Variants in FOXP1 observed in about 807,000 individuals in gnomAD.
FOXP1 encodes the protein forkhead box P1.
FOXP1 carries 15 observed loss-of-function variants against 98.2 expected under a neutral mutation model. The ratio of observed to expected loss-of-function variants is 0.15; its 90% CI spans 0.10 to 0.24. The LOEUF is 0.24. Ranked by LOEUF, FOXP1 falls within the 10% of genes least tolerant of loss-of-function variation. FOXP1 has a pLI of 1.00. For synonymous variants in FOXP1, 371 were observed against 314.5 expected, an observed-to-expected ratio of 1.18 and a Z score of -1.90; for missense variants, 633 against 848.5, an observed-to-expected ratio of 0.75 and a Z score of 3.15.
intron 20 of FOXP1, among the ~76,000 whole-genome samples, chr3:70,965,044 G>A (rs2034446768): frequency 1.3e-5 from 2 of 152,332 alleles, no homozygotes; most frequent in South Asian, 4.1e-4. Flanking sequence ...CACGAAATGG[G>A]TTAGTACCTT....
intron 5 of FOXP1, chr3:71,296,036 T>C (rs181953571): frequency 6.6e-6 from 1 of 152,140 alleles, no homozygotes; most frequent in African/African-American, 2.4e-5. Flanking sequence ...TGGAAGAAAA[T>C]TGTTATATCA....
At chr3:71,350,254 T>C (rs1239108594) in intron 4 of FOXP1, among the ~76,000 whole-genome samples, 2 of 152,150 alleles carry the variant, frequency 1.3e-5, no homozygotes, top group East Asian at 1.9e-4. Context: ...AATGTTAATA[T>C]AGGGTTTAAT....
chr3:71,483,928 A>AT (rs1042085487), intron 3 of FOXP1, among the ~76,000 whole-genome samples: 1 of 152,122 alleles, frequency 6.6e-6, no homozygotes, highest in South Asian at 2.1e-4. Context: ...TTAAAAGCTC[A>AT]TTTTTTTGTA....
chr3:71,064,142 G>C (rs2051994761), intron 7 of FOXP1, among the ~76,000 whole-genome samples: 2 of 152,194 alleles, frequency 1.3e-5, no homozygotes, highest in African/African-American at 2.4e-5. Flanking sequence ...CAACCTGCCA[G>C]AGTGTTCCAT....
At chr3:71,537,574 G>A (rs775683207) in intron 2 of FOXP1, among the ~76,000 whole-genome samples, 8 of 152,186 alleles carry the variant, frequency 5.3e-5, no homozygotes, top group Non-Finnish European at 8.8e-5. Context: ...ACAGAAAGAC[G>A]GTGTTTTTTT....
At chr3:71,244,702 T>C (rs2067578110) in intron 5 of FOXP1, among the ~76,000 whole-genome samples, 1 of 151,878 alleles carries the variant, frequency 6.6e-6, no homozygotes, top group South Asian at 2.1e-4. Context: ...ATTTTTTTTT[T>C]CTGAATCCAT....
intron 4 of FOXP1, among the ~76,000 whole-genome samples, chr3:71,326,909 G>A (rs2075726317): frequency 6.6e-6 from 1 of 152,118 alleles, no homozygotes; most frequent in East Asian, 1.9e-4. Flanking sequence ...ATAGTTGGAG[G>A]AAGTCATTAG....
chr3:71,198,670 T>C (rs78057153), intron 5 of FOXP1, among the ~76,000 whole-genome samples: 1,556 of 152,230 alleles, frequency 0.01, 30 homozygotes, highest in African/African-American at 0.035. Flanking sequence ...TAAGTAAACC[T>C]AGAATTCAAG....
At chr3:71,174,815 CA>C (rs2061839112) in intron 6 of FOXP1, among the ~76,000 whole-genome samples, 1 of 151,482 alleles carries the variant, frequency 6.6e-6, no homozygotes, top group Non-Finnish European at 1.5e-5. Context: ...CACACACACA[CA>C]CACACACACA....
chr3:71,119,084 G>A (rs2058576269), intron 6 of FOXP1, among the ~76,000 whole-genome samples: 1 of 152,154 alleles, frequency 6.6e-6, no homozygotes, highest in Admixed American at 6.5e-5. Context: ...TTAGAGTTTG[G>A]CCAAGGAGCA....
intron 2 of FOXP1, among the ~76,000 whole-genome samples, chr3:71,557,918 G>A (rs1054017551): frequency 1.3e-5 from 2 of 152,204 alleles, no homozygotes; most frequent in Non-Finnish European, 2.9e-5. Flanking sequence ...CCAGGTTCAC[G>A]TGATTCTCCT....
chr3:71,502,850 C>T (rs1015314640), intron 2 of FOXP1, among the ~76,000 whole-genome samples: 1 of 151,952 alleles, frequency 6.6e-6, no homozygotes, highest in Non-Finnish European at 1.5e-5. Flanking sequence ...AACCGGCATA[C>T]ATAACAGCTA....
intron 2 of FOXP1, among the ~76,000 whole-genome samples, chr3:71,563,708 C>G (rs1046771808): frequency 1.3e-5 from 2 of 152,208 alleles, no homozygotes; most frequent in African/African-American, 4.8e-5. Context: ...ACTCTATAAA[C>G]AGGGTGTGAA....
At chr3:71,379,464 T>C (rs1036746528) in intron 3 of FOXP1, among the ~76,000 whole-genome samples, 2 of 152,134 alleles carry the variant, frequency 1.3e-5, no homozygotes, top group African/African-American at 4.8e-5. Context: ...TCAGTTATCT[T>C]AGGTAGAAGT....
chr3:71,235,732 A>G, intron 5 of FOXP1, among the ~76,000 whole-genome samples: 1 of 152,050 alleles, frequency 6.6e-6, no homozygotes, highest in East Asian at 1.9e-4. Context: ...ATGCCCGGCT[A>G]ATTTTTTGCA....
intron 5 of FOXP1, among the ~76,000 whole-genome samples, chr3:71,274,865 T>C (rs2070737461): frequency 6.6e-6 from 1 of 152,232 alleles, no homozygotes; most frequent in Admixed American, 6.5e-5. Context: ...ATTCAGTATC[T>C]GATCAATTGT....
intron 7 of FOXP1, among the ~76,000 whole-genome samples, chr3:71,056,187 T>C (rs550704887): frequency 1.3e-5 from 2 of 152,302 alleles, no homozygotes; most frequent in South Asian, 4.1e-4. Context: ...TCAATAAAAC[T>C]GATTTTAAAA....
chr3:71,278,522 C>T (rs2071163473), intron 5 of FOXP1, among the ~76,000 whole-genome samples: 1 of 152,208 alleles, frequency 6.6e-6, no homozygotes, highest in Admixed American at 6.5e-5. Context: ...GTGGCTCACA[C>T]CTGTAATCCC....
intron 2 of FOXP1, among the ~76,000 whole-genome samples, chr3:71,523,356 G>A (rs1184836315): frequency 6.6e-6 from 1 of 152,150 alleles, no homozygotes; most frequent in Non-Finnish European, 1.5e-5. Context: ...AATAATTTAC[G>A]TAGTAAGCTA....
Sources: gnomAD v4.1 joint callset for allele counts (sites outside exome capture counted in the v4.1 genomes callset) on GRCh38, gnomAD v4.1.1 for gene constraint, MANE v1.5 for transcripts, NCBI Gene and HGNC (gene_info 2026-07-23, HGNC 2026-07-21) for gene names.